The following CCDC91 variants were observed in gnomAD, a reference collection of about 807,000 sequenced individuals.
The protein encoded by CCDC91 is coiled-coil domain-containing protein 91.
Under a neutral mutation model 63.2 loss-of-function variants are expected in CCDC91, and 48 were observed. The ratio of observed to expected loss-of-function variants is 0.76; its 90% CI spans 0.60 to 0.97. The LOEUF is 0.97. Ranked by LOEUF, CCDC91 falls within the 50% of genes least tolerant of loss-of-function variation. The pLI is 0.00. For missense variants in CCDC91, 500 were observed against 494.6 expected (o/e 1.01, Z -0.10); for synonymous variants, 167 against 165.8 (o/e 1.01, Z -0.06).
intron 3 of CCDC91, among the ~76,000 whole-genome samples, chr12:28,303,396 C>T (rs1045116222): frequency 6.6e-6 from 1 of 151,944 alleles, no homozygotes; most frequent in South Asian, 2.1e-4. Flanking sequence ...CTTTCTTACT[C>T]GCTCCCACTC....
Position 28,549,634 on chromosome 12 carries a change from G to A in CCDC91, c.*461G>A, listed in dbSNP as rs941594932. Reference sequence around the variant, plus strand: ...CATCACTTATTTATCTGTATAATTGGAAATAAAACACCGATATGATAGAGA... The same window carrying A: ...CATCACTTATTTATCTGTATAATTGAAAATAAAACACCGATATGATAGAGA... On this transcript the variant is annotated 3_prime_UTR_variant, in exon 13 of 13. Coordinates refer to ENST00000536442, the MANE Select transcript of CCDC91 (RefSeq NM_018318.5). 1 of 152,146 alleles carries A rather than the reference G, an allele frequency of 6.6e-6. No individual in the cohort carries two copies. The highest frequency in any genetic ancestry group is 2.4e-5 in the African/African-American group (1 of 41,420). The allele number at this position is 152,146 out of a possible 1,614,324, so 9.4% of individuals were successfully genotyped here.
At chr12:28,417,873 A>G (rs1262454413) in intron 8 of CCDC91, among the ~76,000 whole-genome samples, 1 of 152,022 alleles carries the variant, frequency 6.6e-6, no homozygotes, top group Non-Finnish European at 1.5e-5. Context: ...TTTCCAGTGC[A>G]CCTATGTTGT....
At chr12:28,397,328 G>C (rs974707957) in intron 8 of CCDC91, among the ~76,000 whole-genome samples, 1 of 152,178 alleles carries the variant, frequency 6.6e-6, no homozygotes, top group East Asian at 1.9e-4. Flanking sequence ...TGAAAGTAAA[G>C]AAACAGATGA....
intron 1 of CCDC91, among the ~76,000 whole-genome samples, chr12:28,193,251 T>C (rs1398931714): frequency 2.0e-5 from 3 of 152,230 alleles, no homozygotes; most frequent in Non-Finnish European, 2.9e-5. Flanking sequence ...TCATTTCTTT[T>C]GGTTACACAT....
Position 28,453,210 on chromosome 12 carries a change from A to T in CCDC91, c.1101+556A>T, listed in dbSNP as rs989019498. Among the ~76,000 whole-genome samples, 9 of 152,138 alleles carry T rather than the reference A, an allele frequency of 5.9e-5. No individual in the cohort carries two copies. In the South Asian group the frequency reaches 1.7e-3, roughly 28 times the overall value. ...ATAACTTTTGATTGTTTATCTGACA[A>T]TTAAAAACACTACCTTAGTTTGTTT... On this transcript the variant is annotated intron_variant, in intron 11 of 12. Coordinates refer to ENST00000536442, the MANE Select transcript of CCDC91 (RefSeq NM_018318.5).
At chr12:28,329,984 A>C (rs1306915546) in intron 6 of CCDC91, among the ~76,000 whole-genome samples, 1 of 152,118 alleles carries the variant, frequency 6.6e-6, no homozygotes, top group Admixed American at 6.5e-5. Flanking sequence ...CATGGTGTAT[A>C]TGTGCCACAT....
chr12:28,415,249 G>A (rs2139795664), intron 8 of CCDC91, among the ~76,000 whole-genome samples: 1 of 150,336 alleles, frequency 6.7e-6, no homozygotes, highest in East Asian at 1.9e-4. Flanking sequence ...TTGAGATGGA[G>A]TTTTGCTGTT....
At chr12:28,351,116 C>G (rs1377852852) in intron 6 of CCDC91, among the ~76,000 whole-genome samples, 1 of 152,160 alleles carries the variant, frequency 6.6e-6, no homozygotes, top group African/African-American at 2.4e-5. Context: ...AATAAAACAT[C>G]AGCTTTACAT....
chr12:28,209,831 C>T (rs1770132057), intron 1 of CCDC91, among the ~76,000 whole-genome samples: 1 of 152,184 alleles, frequency 6.6e-6, no homozygotes, highest in Non-Finnish European at 1.5e-5. Flanking sequence ...ATTTACATCC[C>T]ATGCTTTCTT....
At chr12:28,443,254 A>G (rs1949327943) in intron 8 of CCDC91, among the ~76,000 whole-genome samples, 1 of 150,158 alleles carries the variant, frequency 6.7e-6, no homozygotes, top group Non-Finnish European at 1.5e-5. Context: ...AAAAAAAAAG[A>G]GAGTTAAGCA....
intron 12 of CCDC91, among the ~76,000 whole-genome samples, chr12:28,493,433 A>G (rs933933649): frequency 2.0e-5 from 3 of 151,732 alleles, no homozygotes; most frequent in Non-Finnish European, 4.4e-5. Flanking sequence ...AGTAAGACCC[A>G]GATAAATTGG....
At chr12:28,205,199 A>G (rs570083877) in intron 1 of CCDC91, among the ~76,000 whole-genome samples, 6 of 152,230 alleles carry the variant, frequency 3.9e-5, no homozygotes, top group African/African-American at 1.4e-4. Flanking sequence ...TGAAGAGAGA[A>G]GGGAGAATGA....
chr12:28,458,455 CTTTTTTTTTTTTTTTTTTTT>C lies in CCDC91; in HGVS notation c.1101+5814_1101+5833del, dbSNP rs60083355. ...TTCCCTTTTGTCCTCATTTGCACAC[CTTTTTTTTTTTTTTTTTTTT>C]TTTTTTTTTTTTAAGATGGAGTCTC... On this transcript the variant is annotated intron_variant, in intron 11 of 12. Coordinates refer to ENST00000536442, the MANE Select transcript of CCDC91 (RefSeq NM_018318.5). Among the ~76,000 whole-genome samples the C allele has an allele frequency of 4.0e-3, 183 of 45,828 alleles. 5 individuals are homozygous for C. The highest frequency in any genetic ancestry group is 0.017 in the African/African-American group (158 of 9,092). The allele number at this position is 45,828 out of a possible 152,430, so 30.1% of individuals were successfully genotyped here. A position where few individuals can be genotyped will look rare whatever the true frequency, so the allele number is the denominator to read the frequency against.
intron 6 of CCDC91, among the ~76,000 whole-genome samples, chr12:28,315,248 T>G (rs1414320061): frequency 6.6e-6 from 1 of 151,764 alleles, no homozygotes; most frequent in African/African-American, 2.4e-5. Context: ...CACTGCAACT[T>G]CCACCTCCCT....
chr12:28,483,795 C>G (rs766999938), intron 11 of CCDC91, among the ~76,000 whole-genome samples: 21 of 152,076 alleles, frequency 1.4e-4, no homozygotes, highest in Non-Finnish European at 1.5e-5. Context: ...GGTAGGGAAG[C>G]CATTGGAATC....
intron 8 of CCDC91, among the ~76,000 whole-genome samples, chr12:28,404,408 G>C (rs1467128808): frequency 6.6e-6 from 1 of 151,812 alleles, no homozygotes; most frequent in Non-Finnish European, 1.5e-5. Context: ...TTTGTTTTAT[G>C]GTCCCGAATT....
chr12:28,548,394 T>G (rs1378330827), intron 12 of CCDC91, among the ~76,000 whole-genome samples: 2 of 152,060 alleles, frequency 1.3e-5, no homozygotes, highest in African/African-American at 2.4e-5. Flanking sequence ...CTCAACCTCC[T>G]AAGTAGCTGA....
chr12:28,387,401 T>C (rs1165746332), intron 7 of CCDC91, among the ~76,000 whole-genome samples: 1 of 151,844 alleles, frequency 6.6e-6, no homozygotes, highest in African/African-American at 2.4e-5. Flanking sequence ...AATTTTTTAG[T>C]TCCATAGGAT....
chr12:28,492,449 C>T lies in CCDC91; in HGVS notation c.1215+8284C>T, dbSNP rs1467673334. Among the ~76,000 whole-genome samples, 6 of 151,652 alleles carry T rather than the reference C, an allele frequency of 4.0e-5. No homozygotes were observed. The East Asian group carries it at 1.2e-3, about 29-fold the overall frequency. ...ATTATTCTTTTGTAAACCAGAAAAT[C>T]AGATGGTAGAAATTATGGTTCTGAG... On this transcript the variant is annotated intron_variant, in intron 12 of 12. Transcript: ENST00000536442.
Sources: allele counts gnomAD v4.1 joint callset (sites outside exome capture counted in the v4.1 genomes callset), GRCh38; gene constraint gnomAD v4.1.1; transcripts MANE v1.5; gene names NCBI Gene and HGNC (gene_info 2026-07-23, HGNC 2026-07-21).